DNAH7: variants seen among roughly 807,000 people sequenced by gnomAD.
DNAH7 encodes axonemal beta dynein heavy chain 7.
DNAH7 carries 397 observed loss-of-function variants against 444.6 expected under a neutral mutation model. The observed-to-expected ratio is 0.89, with a 90% CI of 0.82 to 0.97. DNAH7 has a LOEUF of 0.97. Ranked by LOEUF, DNAH7 falls within the 50% of genes least tolerant of loss-of-function variation. DNAH7 has a pLI of 0.00. For synonymous variants in DNAH7, 1,636 were observed against 1,624.4 expected, an observed-to-expected ratio of 1.01 and a Z score of -0.17; for missense variants, 4,902 against 4,800.8, an observed-to-expected ratio of 1.02 and a Z score of -0.62.
At chr2:195,852,322 T>C (rs1023758936) in intron 46 of DNAH7, among the ~76,000 whole-genome samples, 8 of 150,442 alleles carry the variant, frequency 5.3e-5, no homozygotes, top group African/African-American at 2.0e-4. Context: ...CCTTAGGAGA[T>C]AGTTCTGAAA....
At chr2:195,748,548 A>G (rs1693574194) in intron 63 of DNAH7, among the ~76,000 whole-genome samples, 1 of 152,190 alleles carries the variant, frequency 6.6e-6, no homozygotes, top group African/African-American at 2.4e-5. Flanking sequence ...AGCCAAAAGA[A>G]CAAAGCTGGA....
At chr2:195,975,156 T>A (rs1692098882) in intron 15 of DNAH7, among the ~76,000 whole-genome samples, 1 of 152,168 alleles carries the variant, frequency 6.6e-6, no homozygotes, top group South Asian at 2.1e-4. Context: ...AAGTGAATGA[T>A]CACAGTACCT....
At chr2:195,985,980 A>G (rs1692879579) in intron 14 of DNAH7, among the ~76,000 whole-genome samples, 1 of 152,116 alleles carries the variant, frequency 6.6e-6, no homozygotes, top group African/African-American at 2.4e-5. Flanking sequence ...TTCTTGGAAT[A>G]CACCCTGCCA....
In DNAH7 at chr2:195,756,251, A is replaced by C; in HGVS notation, c.11468T>G (p.Val3823Gly). Residue 3823 changes from valine to glycine, a missense_variant, in exon 62 of 65, where the codon GTG becomes GGG. By Grantham distance (109) the Val-to-Gly change is moderately radical. Coordinates refer to ENST00000312428, the MANE Select transcript of DNAH7 (RefSeq NM_018897.3). ...TTTGACATTCAAAATGCTGCTAACC[A>C]CTTCTTCAAGATCTGTAGACATGAC... ...LAVMSTDLEE[V>G]VSSILNVKIP... The C allele has an allele frequency of 6.2e-7, 1 of 1,613,468 alleles. No individual in the cohort carries two copies. The highest frequency in any genetic ancestry group is 8.5e-7 in the Non-Finnish European group (1 of 1,179,580).
chr2:195,851,170 G>C (rs1268076883), intron 46 of DNAH7, among the ~76,000 whole-genome samples: 1 of 152,174 alleles, frequency 6.6e-6, no homozygotes. Flanking sequence ...GCTGAGAATT[G>C]AATGAGACAG....
intron 46 of DNAH7, among the ~76,000 whole-genome samples, chr2:195,850,978 G>A (rs944004567): frequency 4.6e-5 from 7 of 152,180 alleles, no homozygotes; most frequent in African/African-American, 1.7e-4. Flanking sequence ...ATTAAGGACT[G>A]CTCAAGAGGG....
At chr2:195,863,838 A>T (rs1171835959) in intron 41 of DNAH7, among the ~76,000 whole-genome samples, 1 of 152,148 alleles carries the variant, frequency 6.6e-6, no homozygotes, top group Non-Finnish European at 1.5e-5. Context: ...CCCCTCTGTG[A>T]ACAGTTCCTT....
At chr2:195,789,569 T>C (rs1318815927) in intron 57 of DNAH7, among the ~76,000 whole-genome samples, 1 of 152,166 alleles carries the variant, frequency 6.6e-6, no homozygotes, top group Non-Finnish European at 1.5e-5. Flanking sequence ...CACAGACTGA[T>C]TATTCCTGGC....
intron 5 of DNAH7, among the ~76,000 whole-genome samples, chr2:196,028,884 A>G (rs1305411949): frequency 6.6e-6 from 1 of 152,218 alleles, no homozygotes; most frequent in Admixed American, 6.5e-5. Flanking sequence ...GTGGGTATCC[A>G]GAATAGATCT....
intron 5 of DNAH7, among the ~76,000 whole-genome samples, chr2:196,035,401 T>C (rs913859399): frequency 1.3e-5 from 2 of 152,186 alleles, no homozygotes; most frequent in African/African-American, 4.8e-5. Context: ...TGATGGGTCT[T>C]TGCACCACCT....
At chr2:195,804,737 T>C (rs1184891553) in intron 54 of DNAH7, among the ~76,000 whole-genome samples, 1 of 152,200 alleles carries the variant, frequency 6.6e-6, no homozygotes, top group East Asian at 1.9e-4. Flanking sequence ...TCTGCTCACA[T>C]CTTATTGGTC....
At chr2:195,810,079 T>A (rs1348530734) in intron 51 of DNAH7, among the ~76,000 whole-genome samples, 1 of 143,786 alleles carries the variant, frequency 7.0e-6, no homozygotes, top group African/African-American at 2.6e-5. Context: ...GTGGACTGAG[T>A]TTTTTTTTTT....
At chr2:195,957,579 C>A (rs201839720) in intron 18 of DNAH7, 132 bp from the exon 19 acceptor site, 2 of 370,158 alleles carry the variant, frequency 5.4e-6, no homozygotes, top group South Asian at 7.2e-5. Context: ...TATATACAAT[C>A]TTGTATATAA....
intron 19 of DNAH7, among the ~76,000 whole-genome samples, chr2:195,952,523 T>G (rs886768470): frequency 2.0e-5 from 3 of 152,204 alleles, no homozygotes; most frequent in African/African-American, 7.2e-5. Context: ...GAAGAGTGTT[T>G]TCCAGCTTGG....
chr2:195,986,986 C>A, intron 14 of DNAH7, 80 bp downstream of exon 14: 1 of 1,268,256 alleles, frequency 7.9e-7, no homozygotes, highest in South Asian at 1.9e-5. Flanking sequence ...TTGCTTTAAT[C>A]AATTACTCTA....
chr2:195,985,108 T>C (rs896809902), intron 14 of DNAH7, among the ~76,000 whole-genome samples: 1 of 152,164 alleles, frequency 6.6e-6, no homozygotes, highest in African/African-American at 2.4e-5. Flanking sequence ...GGAGGGATTG[T>C]TTAAAATAGG....
intron 27 of DNAH7, among the ~76,000 whole-genome samples, chr2:195,906,088 GA>G (rs947697133): frequency 6.6e-6 from 1 of 151,800 alleles, no homozygotes; most frequent in Non-Finnish European, 1.5e-5. Context: ...ATATTAACGT[GA>G]AAAAAACCCA....
chr2:195,891,603 A>T, intron 31 of DNAH7, 52 bp downstream of exon 31: 1 of 1,440,886 alleles, frequency 6.9e-7, no homozygotes, highest in South Asian at 1.7e-5. Context: ...AATTGGTCAG[A>T]AATAAATATC....
intron 35 of DNAH7, among the ~76,000 whole-genome samples, chr2:195,883,186 G>A (rs1559181300): frequency 3.3e-5 from 5 of 152,270 alleles, no homozygotes; most frequent in Admixed American, 1.3e-4. Context: ...GGTGGCTCAC[G>A]CCTGTAATCC....
Sources: gnomAD v4.1 joint callset for allele counts (sites outside exome capture counted in the v4.1 genomes callset) on GRCh38, gnomAD v4.1.1 for gene constraint, MANE v1.5 for transcripts, NCBI Gene and HGNC (gene_info 2026-07-23, HGNC 2026-07-21) for gene names.